The following CREB3L2 variants were observed in gnomAD, a reference collection of about 807,000 sequenced individuals.
The protein encoded by CREB3L2 is cAMP responsive element binding protein 3 like 2, also known as cyclic AMP-responsive element-binding protein 3-like protein 2.
CREB3L2 carries 23 observed loss-of-function variants against 57.2 expected under a neutral mutation model. The ratio of observed to expected loss-of-function variants is 0.40; its 90% CI spans 0.29 to 0.57. CREB3L2 has a LOEUF of 0.57. Among genes scored for constraint, CREB3L2 ranks in the 20% least tolerant of loss-of-function variants. CREB3L2 has a pLI of 0.42. For synonymous variants in CREB3L2, 268 were observed against 265.1 expected (o/e 1.01, Z -0.11); for missense variants, 628 against 634.7 (o/e 0.99, Z 0.11).
intron 1 of CREB3L2, among the ~76,000 whole-genome samples, chr7:137,983,398 G>A (rs747685903): frequency 2.6e-5 from 4 of 152,204 alleles, no homozygotes; most frequent in Non-Finnish European, 5.9e-5. Context: ...CAGAGGAAAC[G>A]CTGGTACAGA....
At chr7:137,928,436 C>T (rs947499147) in intron 1 of CREB3L2, 70 bp from the exon 2 acceptor site, 6 of 1,175,734 alleles carry the variant, frequency 5.1e-6, no homozygotes, top group Admixed American at 1.9e-5. Flanking sequence ...TACGCACATA[C>T]CAAATACCTC....
At chr7:137,890,356 G>T (rs954950978) in intron 8 of CREB3L2, among the ~76,000 whole-genome samples, 41 of 152,138 alleles carry the variant, frequency 2.7e-4, no homozygotes, top group African/African-American at 9.4e-4. Context: ...GCTTTATTTA[G>T]AAAAATGGAA....
At chr7:137,894,841 G>A (rs1239853982) in intron 8 of CREB3L2, among the ~76,000 whole-genome samples, 1 of 152,184 alleles carries the variant, frequency 6.6e-6, no homozygotes, top group Non-Finnish European at 1.5e-5. Flanking sequence ...AGGAGCAAGA[G>A]GTATAGCAGC....
intron 1 of CREB3L2, among the ~76,000 whole-genome samples, chr7:137,977,387 C>A (rs966693414): frequency 2.0e-5 from 3 of 152,082 alleles, no homozygotes; most frequent in African/African-American, 7.2e-5. Context: ...AACAACACAA[C>A]GATTATAAAA....
chr7:137,968,806 A>G (rs912399515), intron 1 of CREB3L2, among the ~76,000 whole-genome samples: 18 of 152,254 alleles, frequency 1.2e-4, no homozygotes, highest in Admixed American at 9.1e-4. Context: ...AATGAATCCA[A>G]TTTGGTGGCT....
chr7:137,875,929 T>C lies in CREB3L2; in HGVS notation c.*4547A>G. Reference sequence around the variant, plus strand: ...AACAAAACAAAACAACACCTAGTTTTTTCCTGTGTTAAGTGCTGACCCTTT... The same window carrying C: ...AACAAAACAAAACAACACCTAGTTTCTTCCTGTGTTAAGTGCTGACCCTTT... On this transcript the variant is annotated 3_prime_UTR_variant, in exon 12 of 12. Transcript: ENST00000330387. 1 of 226,410 alleles carries C rather than the reference T, an allele frequency of 4.4e-6. No individual in the cohort carries two copies. Among genetic ancestry groups the C allele is most frequent in the Non-Finnish European group, 8.8e-6 (1 of 113,838 alleles). 14.0% of individuals were successfully genotyped at this position (226,410 alleles called of 1,614,324 possible). A position where few individuals can be genotyped will look rare whatever the true frequency, so the allele number is the denominator to read the frequency against.
At chr7:137,966,021 G>A (rs1230376830) in intron 1 of CREB3L2, among the ~76,000 whole-genome samples, 1 of 152,120 alleles carries the variant, frequency 6.6e-6, no homozygotes, top group African/African-American at 2.4e-5. Context: ...ATGCTTTGCT[G>A]GTCCATAAAG....
chr7:137,893,685 A>C (rs866892685), intron 8 of CREB3L2, among the ~76,000 whole-genome samples: 9 of 152,368 alleles, frequency 5.9e-5, no homozygotes, highest in African/African-American at 1.7e-4. Flanking sequence ...AATAGGAATC[A>C]TATAGAGATT....
intron 1 of CREB3L2, among the ~76,000 whole-genome samples, chr7:137,998,848 G>A (rs1163285166): frequency 2.0e-5 from 3 of 152,196 alleles, no homozygotes; most frequent in African/African-American, 7.2e-5. Context: ...CAAACCAAGT[G>A]TGGACCCCGT....
In CREB3L2 at chr7:137,879,023, T is replaced by C. The variant is rs79750866; in HGVS notation, c.*1453A>G. The C allele has an allele frequency of 2.1e-3, 900 of 433,974 alleles. 5 individuals are homozygous for C. The highest frequency in any genetic ancestry group is 0.015 in the African/African-American group (753 of 50,204). 26.9% of individuals were successfully genotyped at this position (433,974 alleles called of 1,614,324 possible). A position where few individuals can be genotyped will look rare whatever the true frequency, so the allele number is the denominator to read the frequency against. On this transcript the variant is annotated 3_prime_UTR_variant, in exon 12 of 12. Coordinates refer to ENST00000330387, the MANE Select transcript of CREB3L2 (RefSeq NM_194071.4). ...TAATAAAAATAAAATACAAACTCTA[T>C]GCACATTTCCTACACAAAATCTTTC...
rs980702426 is a variant in CREB3L2, at chr7:137,912,727, T to A, written c.583+264A>T. 1.2e-4 allele frequency: 115 copies of A among 995,372 alleles called. No homozygotes were observed. In the South Asian group the frequency reaches 1.9e-3, roughly 17 times the overall value. 61.7% of individuals were successfully genotyped at this position (995,372 alleles called of 1,614,324 possible). The stretch of plus-strand genomic sequence containing the variant: ...TTGTAGTAGCAGTCCATAAAAGTTT[T>A]GAAAAATATCACCCTGGTTAGAAGT... On this transcript the variant is annotated intron_variant, in intron 4 of 11. Transcript: ENST00000330387.
chr7:137,940,865 T>C (rs1800870206), intron 1 of CREB3L2, among the ~76,000 whole-genome samples: 1 of 152,130 alleles, frequency 6.6e-6, no homozygotes, highest in Admixed American at 6.5e-5. Flanking sequence ...AAAGGGAAAG[T>C]GCTTGAGAGG....
At position 137,879,531 on chromosome 7, in the gene CREB3L2, T is replaced by C. The variant is rs1199979374; in HGVS notation, c.*945A>G. ...CTCATCCTAGAGGCAGACACATACATGCTCAAAGGAACTTCTTTTTCAATG... is the reference window on the plus strand; with the variant it reads ...CTCATCCTAGAGGCAGACACATACACGCTCAAAGGAACTTCTTTTTCAATG... On this transcript the variant is annotated 3_prime_UTR_variant, in exon 12 of 12. Transcript: ENST00000330387. 4.0e-6 allele frequency: 1 copy of C among 250,354 alleles called. No individual in the cohort carries two copies. 15.5% of individuals were successfully genotyped at this position (250,354 alleles called of 1,614,324 possible).
intron 6 of CREB3L2, among the ~76,000 whole-genome samples, chr7:137,904,491 C>T (rs1752034533): frequency 1.3e-5 from 2 of 152,150 alleles, no homozygotes; most frequent in African/African-American, 2.4e-5. Flanking sequence ...CATGGTAAAA[C>T]CCCGTCTACT....
intron 8 of CREB3L2, among the ~76,000 whole-genome samples, chr7:137,899,063 AAG>A (rs879701657): frequency 0.064 from 7,060 of 109,954 alleles, 349 homozygotes; most frequent in Admixed American, 0.093. Context: ...AAGAAAAAGA[AAG>A]AGAAAGAAAG....
Position 138,001,764 on chromosome 7 carries a change from G to T in CREB3L2, c.-59C>A. On this transcript the variant is annotated 5_prime_UTR_variant, in exon 1 of 12. Transcript: ENST00000330387. The surrounding 1 kb of genome is among the most constrained non-coding windows in gnomAD (Gnocchi z 4.2). ...AGCGCAGGAGGGGACGCGCAGAGCT[G>T]CCTCGGACCGGCAAGGTTCCTCTCT... 7.9e-7 allele frequency: 1 copy of T among 1,261,114 alleles called. No homozygotes were observed. Among genetic ancestry groups the T allele is most frequent in the Non-Finnish European group, 1.1e-6 (1 of 929,036 alleles). The allele number at this position is 1,261,114 out of a possible 1,614,324, so 78.1% of individuals were successfully genotyped here. A position where few individuals can be genotyped will look rare whatever the true frequency, so the allele number is the denominator to read the frequency against.
At chr7:137,982,634 C>T (rs182165093) in intron 1 of CREB3L2, among the ~76,000 whole-genome samples, 33 of 152,314 alleles carry the variant, frequency 2.2e-4, no homozygotes, top group Admixed American at 1.8e-3. Context: ...GTGCCTTTCA[C>T]CTTCCACCAA....
intron 8 of CREB3L2, among the ~76,000 whole-genome samples, chr7:137,889,465 G>C (rs1799491485): frequency 6.6e-6 from 1 of 152,310 alleles, no homozygotes; most frequent in African/African-American, 2.4e-5. Flanking sequence ...AAATGAAAAT[G>C]GTTGTTTAAT....
At chr7:137,893,974 T>C (rs1356008248) in intron 8 of CREB3L2, among the ~76,000 whole-genome samples, 2 of 152,124 alleles carry the variant, frequency 1.3e-5, no homozygotes, top group Admixed American at 1.3e-4. Context: ...TGCCAAAATG[T>C]GGTAGTATAA....
Sources: gnomAD v4.1 joint callset for allele counts (sites outside exome capture counted in the v4.1 genomes callset) on GRCh38, gnomAD v4.1.1 for gene constraint, Gnocchi (gnomAD v3.1) non-coding constraint, MANE v1.5 for transcripts, NCBI Gene and HGNC (gene_info 2026-07-23, HGNC 2026-07-21) for gene names.